The following SMG6 variants were observed in gnomAD, a reference collection of about 807,000 sequenced individuals.
SMG6 encodes the protein SMG6 nonsense mediated mRNA decay factor, also known as telomerase-binding protein EST1A.
SMG6 carries 66 observed loss-of-function variants against 142.2 expected under a neutral mutation model. The observed-to-expected ratio is 0.46, with a 90% CI of 0.38 to 0.57. The LOEUF (loss-of-function observed/expected upper bound fraction) is 0.57. Among genes scored for constraint, SMG6 ranks in the 20% least tolerant of loss-of-function variants. The pLI, the probability that SMG6 is intolerant of heterozygous loss-of-function variation, is 0.00. For synonymous variants in SMG6, 779 were observed against 702.4 expected (o/e 1.11, Z -1.72); for missense variants, 1,793 against 1,832.0 (o/e 0.98, Z 0.39).
At chr17:2,173,000 G>T in intron 12 of SMG6, 141 bp from the exon 13 acceptor site, 1 of 774,316 alleles carries the variant, frequency 1.3e-6, no homozygotes, top group Non-Finnish European at 2.1e-6. Context: ...CCCCAAAAAT[G>T]CTAGGAAACA....
At chr17:2,133,643 T>A (rs2070196623) in intron 13 of SMG6, among the ~76,000 whole-genome samples, 1 of 152,204 alleles carries the variant, frequency 6.6e-6, no homozygotes, top group African/African-American at 2.4e-5. Flanking sequence ...GCTCCAGTGA[T>A]CCTCCTGCTT....
chr17:2,215,275 A>G (rs2072982406), intron 10 of SMG6, among the ~76,000 whole-genome samples: 1 of 152,136 alleles, frequency 6.6e-6, no homozygotes, highest in African/African-American at 2.4e-5. Flanking sequence ...CTATAACAGG[A>G]TATTTTTAGT....
At chr17:2,088,856 C>G (rs146886630) in intron 13 of SMG6, 1 of 984,994 alleles carries the variant, frequency 1.0e-6, no homozygotes, top group Admixed American at 6.2e-5. Context: ...AATAAGCCCA[C>G]TGGGGAGAGG....
intron 10 of SMG6, among the ~76,000 whole-genome samples, chr17:2,221,337 G>A (rs528004019): frequency 2.0e-5 from 3 of 152,196 alleles, no homozygotes; most frequent in South Asian, 4.1e-4. Context: ...AAAGTCTGTA[G>A]CCCCTCCCCC....
intron 13 of SMG6, among the ~76,000 whole-genome samples, chr17:2,142,856 C>G (rs2070528045): frequency 1.4e-5 from 2 of 144,112 alleles, no homozygotes; most frequent in Admixed American, 1.4e-4. Flanking sequence ...CCATTGCACT[C>G]CAGCCTGGGC....
chr17:2,267,751 ATT>A lies in SMG6; in HGVS notation c.2661+14894_2661+14895del, dbSNP rs5818852. On this transcript the variant is annotated intron_variant, in intron 8 of 18. Coordinates refer to ENST00000263073, the MANE Select transcript of SMG6 (RefSeq NM_017575.5). ...TGTATTTTTAATTATTTTTATTATT[ATT>A]TTTTTTTTTTTTGAGACAGAGTCTC... Among the ~76,000 whole-genome samples the A allele has an allele frequency of 3.8e-3, 533 of 139,158 alleles. 2 individuals carry two copies. The highest frequency in any genetic ancestry group is 9.2e-3 in the African/African-American group (353 of 38,460). 91.3% of individuals were successfully genotyped at this position (139,158 alleles called of 152,430 possible). A position where few individuals can be genotyped will look rare whatever the true frequency, so the allele number is the denominator to read the frequency against.
chr17:2,197,897 T>C (rs1203675204), intron 10 of SMG6, among the ~76,000 whole-genome samples: 5 of 152,224 alleles, frequency 3.3e-5, no homozygotes, highest in Admixed American at 6.5e-5. Flanking sequence ...TAAAATGGTA[T>C]AGCTGCTCTG....
chr17:2,267,122 T>C (rs1055562763), intron 8 of SMG6, among the ~76,000 whole-genome samples: 1 of 152,152 alleles, frequency 6.6e-6, no homozygotes, highest in African/African-American at 2.4e-5. Flanking sequence ...TGCAAACTAC[T>C]TTACAAAAGC....
chr17:2,148,401 T>C (rs1267418752), intron 13 of SMG6, among the ~76,000 whole-genome samples: 3 of 152,222 alleles, frequency 2.0e-5, no homozygotes, highest in Non-Finnish European at 4.4e-5. Flanking sequence ...GTGGTAGATG[T>C]ATGCATACAA....
At chr17:2,069,054 T>C in intron 15 of SMG6, 123 bp from the exon 16 acceptor site, 2 of 935,684 alleles carry the variant, frequency 2.1e-6, no homozygotes, top group Non-Finnish European at 3.2e-6. Flanking sequence ...TCCACAGTAA[T>C]AACCAGTCCC....
At chr17:2,200,650 G>A (rs1457046219) in intron 10 of SMG6, among the ~76,000 whole-genome samples, 1 of 152,062 alleles carries the variant, frequency 6.6e-6, no homozygotes, top group Non-Finnish European at 1.5e-5. Flanking sequence ...AGAGGCATGA[G>A]CCACTGCACC....
intron 10 of SMG6, among the ~76,000 whole-genome samples, chr17:2,194,753 A>G (rs905329073): frequency 6.6e-6 from 1 of 152,142 alleles, no homozygotes. Flanking sequence ...GCTGGAGATA[A>G]TGCTGTTGAG....
intron 13 of SMG6, among the ~76,000 whole-genome samples, chr17:2,134,147 C>T (rs937796076): frequency 2.0e-5 from 3 of 152,014 alleles, no homozygotes; most frequent in African/African-American, 7.3e-5. Flanking sequence ...TCTTAATCTT[C>T]TCAGCTGTAA....
At chr17:2,096,771 G>C (rs1008777869) in intron 13 of SMG6, among the ~76,000 whole-genome samples, 1 of 152,142 alleles carries the variant, frequency 6.6e-6, no homozygotes, top group Non-Finnish European at 1.5e-5. Flanking sequence ...GACAAGACAA[G>C]ACAAGACAAG....
intron 8 of SMG6, among the ~76,000 whole-genome samples, chr17:2,254,505 T>C (rs1347088451): frequency 2.0e-5 from 3 of 152,136 alleles, no homozygotes; most frequent in African/African-American, 2.4e-5. Context: ...CGGCCAATTT[T>C]TGTATTTTTA....
intron 13 of SMG6, chr17:2,088,562 C>T (rs1597366798): frequency 2.0e-6 from 2 of 985,356 alleles, no homozygotes; most frequent in East Asian, 2.3e-4. Context: ...ACTGGGGTCT[C>T]TGACCTGGTG....
At position 2,083,314 on chromosome 17, in the gene SMG6, G is replaced by A. The variant is rs988678899; in HGVS notation, c.3535-1358C>T. Among the ~76,000 whole-genome samples the A allele has an allele frequency of 2.0e-5, 3 of 152,206 alleles. No individual in the cohort carries two copies. The South Asian group carries it at 6.2e-4, about 31-fold the overall frequency. ...AGGGATTACTCAGGTGGGTGGCTGG[G>A]TAGATGACGGGGGTATACTTTGCCT... On this transcript the variant is annotated intron_variant, in intron 14 of 18. Coordinates refer to ENST00000263073, the MANE Select transcript of SMG6 (RefSeq NM_017575.5).
chr17:2,198,142 G>A (rs1206522296), intron 10 of SMG6, among the ~76,000 whole-genome samples: 1 of 152,170 alleles, frequency 6.6e-6, no homozygotes, highest in African/African-American at 2.4e-5. Flanking sequence ...GGAATACAGG[G>A]AATACTACTC....
At chr17:2,188,736 A>G (rs2072069647) in intron 10 of SMG6, among the ~76,000 whole-genome samples, 2 of 152,182 alleles carry the variant, frequency 1.3e-5, no homozygotes, top group Admixed American at 1.3e-4. Context: ...ACCTCTGTCA[A>G]TTCTACATCA....
Sources: gnomAD v4.1 joint callset for allele counts (sites outside exome capture counted in the v4.1 genomes callset) on GRCh38, gnomAD v4.1.1 for gene constraint, MANE v1.5 for transcripts, NCBI Gene and HGNC (gene_info 2026-07-23, HGNC 2026-07-21) for gene names.